SLIT1: variants seen among roughly 807,000 people sequenced by gnomAD.
SLIT1 encodes slit guidance ligand 1, also known as slit homolog 1 protein.
In SLIT1, 66 loss-of-function variants were observed where a neutral mutation model predicts 186.1. The observed-to-expected ratio is 0.35, with a 90% confidence interval of 0.29 to 0.44. The LOEUF (loss-of-function observed/expected upper bound fraction) is 0.44, where lower values mean the gene tolerates loss of function less well. Among genes scored for constraint, SLIT1 ranks in the 20% least tolerant of loss-of-function variants. SLIT1 has a pLI of 1.00. For synonymous variants in SLIT1, 761 were observed against 833.8 expected, an observed-to-expected ratio of 0.91 and a Z score of 1.50; for missense variants, 1,638 against 2,037.4, an observed-to-expected ratio of 0.80 and a Z score of 3.77.
chr10:97,125,313 T>G (rs1849594508), intron 4 of SLIT1, among the ~76,000 whole-genome samples: 3 of 152,068 alleles, frequency 2.0e-5, no homozygotes, highest in African/African-American at 7.2e-5. Context: ...TGTCCCTCCA[T>G]GAAATACACA....
At chr10:97,096,277 A>G (rs555495657) in intron 4 of SLIT1, among the ~76,000 whole-genome samples, 7 of 152,192 alleles carry the variant, frequency 4.6e-5, no homozygotes, top group Non-Finnish European at 1.0e-4. Flanking sequence ...AAAGGCTGAG[A>G]AAAGAAAATA....
rs1848746928 is a variant in SLIT1 at position 97,047,723 on chromosome 10, A to G, written c.1601T>C (p.Ile534Thr). 1 of 1,613,960 alleles carries G rather than the reference A, an allele frequency of 6.2e-7. No homozygotes were observed. The highest frequency in any genetic ancestry group is 1.7e-5 in the Admixed American group (1 of 60,028). The change falls in exon 16 of 37, where the codon ATC (isoleucine) becomes ACC (threonine). Residue 534 changes from isoleucine to threonine, a missense_variant. Coordinates refer to ENST00000266058, the MANE Select transcript of SLIT1 (RefSeq NM_003061.3). The stretch of plus-strand genomic sequence containing the variant: ...CGTGGACTGGGGGATGCGCTCAGGG[A>G]TCTTGGTGAGCTTCAGGCTGGAGCA... ...VECSSLKLTKIPERIPQSTAE... is the reference protein window; with the variant it reads ...VECSSLKLTKTPERIPQSTAE...
chr10:97,138,314 C>T (rs989348758), intron 4 of SLIT1, among the ~76,000 whole-genome samples: 4 of 152,200 alleles, frequency 2.6e-5, no homozygotes, highest in Admixed American at 6.5e-5. Flanking sequence ...TACGGGCCTC[C>T]GGGTCACCTG....
At chr10:97,105,476 G>A (rs1849404277) in intron 4 of SLIT1, among the ~76,000 whole-genome samples, 1 of 152,226 alleles carries the variant, frequency 6.6e-6, no homozygotes, top group Admixed American at 6.5e-5. Flanking sequence ...GTGGCAGGGA[G>A]CACTCTGGCT....
At chr10:97,174,256 G>A (rs1200468455) in intron 1 of SLIT1, among the ~76,000 whole-genome samples, 1 of 152,206 alleles carries the variant, frequency 6.6e-6, no homozygotes, top group Non-Finnish European at 1.5e-5. Flanking sequence ...GCTCACTGCT[G>A]TATCCCCGGC....
At position 97,066,062 on chromosome 10, in the gene SLIT1, C is replaced by T; in HGVS notation, c.438G>A (p.Gln146=). The change falls in exon 5 of 37, where the codon CAG becomes CAA. Residue 146 remains glutamine, a synonymous_variant. Transcript: ENST00000266058. ...CCCGAAAAGCTTTCCTGGGGATGGC[C>T]TGGATGGCGTTCTCACTCAAGTCCC... The part of the protein sequence containing the change: ...SRLDLSENAI[Q]AIPRKAFRGA... 6.2e-7 allele frequency: 1 copy of T among 1,605,918 alleles called. No individual in the cohort carries two copies. The highest frequency in any genetic ancestry group is 1.1e-5 in the South Asian group (1 of 89,268).
chr10:97,014,044 G>A lies in SLIT1; in HGVS notation c.3084C>T (p.Thr1028=), dbSNP rs1936672478. The part of the protein sequence containing the change: ...GVCVDGVGNY[T]CQCPLQYEGK... ...CCTCATACTGCAGGGGGCACTGGCA[G>A]GTGTAGTTGCCCACACCATCCACAC... Residue 1028 remains threonine, a synonymous_variant, in exon 29 of 37, where the codon ACC becomes ACT. Transcript: ENST00000266058. The A allele has an allele frequency of 6.2e-7, 1 of 1,613,630 alleles. No individual in the cohort carries two copies. Among genetic ancestry groups the A allele is most frequent in the Admixed American group, 1.7e-5 (1 of 59,986 alleles).
Position 97,022,085 on chromosome 10 carries a change from T to C in SLIT1, c.2583-672A>G, listed in dbSNP as rs1003304794. On this transcript the variant is annotated intron_variant, in intron 25 of 36. Coordinates refer to ENST00000266058, the MANE Select transcript of SLIT1 (RefSeq NM_003061.3). The surrounding 1 kb of genome is among the most constrained non-coding windows in gnomAD (Gnocchi z 4.2). ...TGGGGAGAAAGCAACCCACATCGACTGCTGCAATGAGACAGCTGCTTTTCC... is the reference window on the plus strand; with the variant it reads ...TGGGGAGAAAGCAACCCACATCGACCGCTGCAATGAGACAGCTGCTTTTCC... Among the ~76,000 whole-genome samples the C allele has an allele frequency of 2.0e-5, 3 of 152,186 alleles. No individual in the cohort carries two copies. Among genetic ancestry groups the C allele is most frequent in the African/African-American group, 7.2e-5 (3 of 41,440 alleles).
chr10:97,072,463 C>G (rs1302095453), intron 4 of SLIT1, among the ~76,000 whole-genome samples: 5 of 152,226 alleles, frequency 3.3e-5, no homozygotes, highest in African/African-American at 1.2e-4. Context: ...GTGCCCAGCT[C>G]TGACCATCTT....
intron 8 of SLIT1, among the ~76,000 whole-genome samples, chr10:97,061,419 T>C (rs985216148): frequency 6.6e-6 from 1 of 152,256 alleles, no homozygotes; most frequent in Admixed American, 6.5e-5. Flanking sequence ...GTGGGACCAC[T>C]ACCTAGACAT....
At chr10:97,165,357 G>A (rs1850090481) in intron 1 of SLIT1, among the ~76,000 whole-genome samples, 1 of 152,160 alleles carries the variant, frequency 6.6e-6, no homozygotes, top group Non-Finnish European at 1.5e-5. Flanking sequence ...AGGTCCCCAT[G>A]GGGACACCAG....
chr10:97,098,387 C>T (rs917354836), intron 4 of SLIT1, among the ~76,000 whole-genome samples: 6 of 152,166 alleles, frequency 3.9e-5, no homozygotes, highest in African/African-American at 1.4e-4. Flanking sequence ...CAGAGAGGGG[C>T]AGGGGCCAGG....
chr10:97,070,614 T>C (rs908619170), intron 4 of SLIT1, among the ~76,000 whole-genome samples: 16 of 152,160 alleles, frequency 1.1e-4, no homozygotes, highest in African/African-American at 3.9e-4. Context: ...ATCCTTATAA[T>C]AGGATTAGTG....
At chr10:97,159,890 C>T (rs960172067) in intron 3 of SLIT1, among the ~76,000 whole-genome samples, 1 of 152,164 alleles carries the variant, frequency 6.6e-6, no homozygotes, top group Non-Finnish European at 1.5e-5. Context: ...TGGCTTGGCT[C>T]TTCATAGGTG....
Position 97,096,006 on chromosome 10 carries a change from G to A in SLIT1, c.414-29920C>T, listed in dbSNP as rs377431108. On this transcript the variant is annotated intron_variant, in intron 4 of 36. Coordinates refer to ENST00000266058, the MANE Select transcript of SLIT1 (RefSeq NM_003061.3). The stretch of plus-strand genomic sequence containing the variant: ...AGTTGAGAGGTGCAAGGTCCCTCCC[G>A]GATCTCACCTGGGGCTGTGCTTCCT... Among the ~76,000 whole-genome samples, 88 of 152,184 alleles carry A rather than the reference G, an allele frequency of 5.8e-4. 1 individual carries two copies. The highest frequency in any genetic ancestry group is 3.7e-3 in the East Asian group (19 of 5,166).
chr10:97,017,763 C>T (rs1666657091), intron 28 of SLIT1, among the ~76,000 whole-genome samples: 1 of 152,188 alleles, frequency 6.6e-6, no homozygotes, highest in Non-Finnish European at 1.5e-5. Flanking sequence ...GGAGGCTGGC[C>T]AGGGCCCTGT....
intron 4 of SLIT1, among the ~76,000 whole-genome samples, chr10:97,130,526 T>A (rs1156500341): frequency 6.6e-6 from 1 of 152,232 alleles, no homozygotes; most frequent in Non-Finnish European, 1.5e-5. Context: ...TATTGTATGA[T>A]CTCACTTATC....
At chr10:97,035,493 C>T (rs908208979) in intron 22 of SLIT1, among the ~76,000 whole-genome samples, 1 of 152,238 alleles carries the variant, frequency 6.6e-6, no homozygotes, top group Non-Finnish European at 1.5e-5. Flanking sequence ...ATCTGATCCG[C>T]CCCTGGCTGG....
chr10:97,053,383 G>C (rs1370734695), intron 13 of SLIT1, among the ~76,000 whole-genome samples: 3 of 152,082 alleles, frequency 2.0e-5, no homozygotes, highest in Non-Finnish European at 4.4e-5. Context: ...TGTCTCCCTG[G>C]CTATAAGTAA....
Sources: gnomAD v4.1 joint callset for allele counts (sites outside exome capture counted in the v4.1 genomes callset) on GRCh38, gnomAD v4.1.1 for gene constraint, Gnocchi (gnomAD v3.1) non-coding constraint, MANE v1.5 for transcripts, NCBI Gene and HGNC (gene_info 2026-07-23, HGNC 2026-07-21) for gene names.